Variants in PDE3A observed in about 807,000 individuals in gnomAD.
PDE3A encodes the protein phosphodiesterase 3A.
Under a neutral mutation model 98.3 loss-of-function variants are expected in PDE3A, and 43 were observed. The observed-to-expected ratio is 0.44, with a 90% CI of 0.34 to 0.56. The LOEUF (loss-of-function observed/expected upper bound fraction) is 0.56. Among genes scored for constraint, PDE3A ranks in the 20% least tolerant of loss-of-function variants. The pLI, the probability that PDE3A is intolerant of heterozygous loss-of-function variation, is 0.01. For synonymous variants in PDE3A, 663 were observed against 567.9 expected (o/e 1.17, Z -2.38); for missense variants, 1,427 against 1,440.7 (o/e 0.99, Z 0.15).
intron 1 of PDE3A, among the ~76,000 whole-genome samples, chr12:20,374,858 G>A (rs1943541825): frequency 6.6e-6 from 1 of 152,008 alleles, no homozygotes; most frequent in Non-Finnish European, 1.5e-5. Context: ...TTTGGGATTA[G>A]GATAGGAGTT....
At chr12:20,458,064 C>T (rs761994451) in intron 1 of PDE3A, among the ~76,000 whole-genome samples, 15 of 151,932 alleles carry the variant, frequency 9.9e-5, no homozygotes, top group Non-Finnish European at 1.9e-4. Flanking sequence ...AAATTTGAAT[C>T]ATTTTATATA....
At chr12:20,453,317 G>A (rs1442089039) in intron 1 of PDE3A, among the ~76,000 whole-genome samples, 1 of 151,876 alleles carries the variant, frequency 6.6e-6, no homozygotes, top group Non-Finnish European at 1.5e-5. Context: ...GGGATTACAG[G>A]TGACCACCAT....
rs1347869191 is a variant in PDE3A, at chr12:20,466,642, CTG to C, written c.961-90012_961-90011del. ...TCTCATATAAAAGGCAATTTTGTCT[CTG>C]TGTGTTTCTGGCTCTGTTTTTCAGT... is the stretch of plus-strand genomic sequence containing the variant. On this transcript the variant is annotated intron_variant, in intron 1 of 15. Transcript: ENST00000359062. Among the ~76,000 whole-genome samples, 20 of 152,184 alleles carry C rather than the reference CTG, an allele frequency of 1.3e-4. 1 individual carries two copies. The highest frequency in any genetic ancestry group is 3.9e-4 in the East Asian group (2 of 5,190).
intron 10 of PDE3A, among the ~76,000 whole-genome samples, chr12:20,645,547 G>A (rs894754592): frequency 1.3e-5 from 2 of 152,072 alleles, no homozygotes; most frequent in Non-Finnish European, 2.9e-5. Flanking sequence ...AATATATAAA[G>A]TATAGGTATT....
intron 4 of PDE3A, among the ~76,000 whole-genome samples, chr12:20,617,185 A>T (rs1305968520): frequency 6.6e-6 from 1 of 152,196 alleles, no homozygotes; most frequent in Non-Finnish European, 1.5e-5. Flanking sequence ...GTATTATATG[A>T]CAGCAATATC....
chr12:20,396,727 G>T (rs1461257933), intron 1 of PDE3A, among the ~76,000 whole-genome samples: 1 of 152,064 alleles, frequency 6.6e-6, no homozygotes, highest in African/African-American at 2.4e-5. Flanking sequence ...ATTTCATGAT[G>T]AGAGAAGCTG....
chr12:20,431,613 A>ACACATACACACG (rs1555145393), intron 1 of PDE3A, among the ~76,000 whole-genome samples: 1 of 150,808 alleles, frequency 6.6e-6, no homozygotes, highest in African/African-American at 2.4e-5. Flanking sequence ...ACACACACAC[A>ACACATACACACG]CACACACACG....
chr12:20,520,705 G>C (rs772813761), intron 1 of PDE3A, among the ~76,000 whole-genome samples: 2 of 152,120 alleles, frequency 1.3e-5, no homozygotes, highest in Non-Finnish European at 2.9e-5. Flanking sequence ...TCCCTCTGCC[G>C]CTTCTTGGCT....
Position 20,552,929 on chromosome 12 carries a change from G to A in PDE3A, c.961-3731G>A. 1 of 1,577,280 alleles carries A rather than the reference G, an allele frequency of 6.3e-7. No homozygotes were observed. Among genetic ancestry groups the A allele is most frequent in the Admixed American group, 1.9e-5 (1 of 53,944 alleles). ...TGCCCTGCCTGCCGCTACGACCTGG[G>A]CCGCAGCTATGCCATGCAGGTGAAC... On this transcript the variant is annotated intron_variant, in intron 1 of 15. Coordinates refer to ENST00000359062, the MANE Select transcript of PDE3A (RefSeq NM_000921.5). The surrounding 1 kb of genome is among the most constrained non-coding windows in gnomAD (Gnocchi z 5.1).
At chr12:20,448,862 C>T (rs142845322) in intron 1 of PDE3A, among the ~76,000 whole-genome samples, 1,649 of 150,520 alleles carry the variant, frequency 0.011, 28 homozygotes, top group African/African-American at 0.037. Context: ...GGAATTACCA[C>T]ATTACATTTT....
intron 1 of PDE3A, among the ~76,000 whole-genome samples, chr12:20,516,114 A>G (rs1167696511): frequency 1.3e-5 from 2 of 151,150 alleles, no homozygotes; most frequent in East Asian, 3.9e-4. Context: ...ACCTTTCAAA[A>G]CCTCCCAAAG....
intron 6 of PDE3A, among the ~76,000 whole-genome samples, chr12:20,632,993 C>T (rs1169642625): frequency 1.5e-5 from 2 of 135,462 alleles, no homozygotes; most frequent in Non-Finnish European, 3.1e-5. Flanking sequence ...CTCTGTTACC[C>T]AGGCTGGAGT....
intron 2 of PDE3A, among the ~76,000 whole-genome samples, chr12:20,597,286 G>A (rs749228125): frequency 6.6e-6 from 1 of 152,166 alleles, no homozygotes; most frequent in Non-Finnish European, 1.5e-5. Flanking sequence ...AGGGAAGGGA[G>A]TTTCAAGTTC....
At chr12:20,376,810 T>C (rs1370870768) in intron 1 of PDE3A, among the ~76,000 whole-genome samples, 3 of 151,710 alleles carry the variant, frequency 2.0e-5, no homozygotes, top group African/African-American at 7.3e-5. Context: ...GGGTATAATA[T>C]CAGAGGAGGT....
chr12:20,665,552 A>G (rs1427850542), intron 15 of PDE3A, among the ~76,000 whole-genome samples: 2 of 152,216 alleles, frequency 1.3e-5, no homozygotes, highest in African/African-American at 2.4e-5. Flanking sequence ...GGTCTAGAAG[A>G]GAAACTATTT....
At chr12:20,625,512 A>T (rs1013413267) in intron 5 of PDE3A, among the ~76,000 whole-genome samples, 1 of 152,140 alleles carries the variant, frequency 6.6e-6, no homozygotes, top group Non-Finnish European at 1.5e-5. Flanking sequence ...CTTCTTTGGC[A>T]TTCTCTTTAG....
intron 7 of PDE3A, among the ~76,000 whole-genome samples, chr12:20,634,580 G>A (rs1325757811): frequency 6.6e-6 from 1 of 152,134 alleles, no homozygotes; most frequent in East Asian, 1.9e-4. Context: ...TCACTCAGTG[G>A]TTTAATGTAT....
intron 2 of PDE3A, among the ~76,000 whole-genome samples, chr12:20,572,459 C>T (rs992653756): frequency 1.3e-5 from 2 of 152,164 alleles, no homozygotes; most frequent in East Asian, 3.9e-4. Context: ...GAACTGTTCA[C>T]TAAACTCCCA....
chr12:20,390,079 G>A (rs539980572), intron 1 of PDE3A, among the ~76,000 whole-genome samples: 1 of 152,046 alleles, frequency 6.6e-6, no homozygotes, highest in Non-Finnish European at 1.5e-5. Flanking sequence ...TGCATACTGG[G>A]TTGTGGAAAA....
Sources: allele counts gnomAD v4.1 joint callset (sites outside exome capture counted in the v4.1 genomes callset), GRCh38; gene constraint gnomAD v4.1.1; non-coding constraint Gnocchi (gnomAD v3.1); transcripts MANE v1.5; gene names NCBI Gene and HGNC (gene_info 2026-07-23, HGNC 2026-07-21).